IKBKB: variants seen among roughly 807,000 people sequenced by gnomAD.
The protein encoded by IKBKB is inhibitor of nuclear factor kappa-B kinase subunit beta.
A neutral mutation model predicts 113.6 loss-of-function variants in IKBKB; 42 were observed. That is an observed-to-expected ratio of 0.37 (90% CI 0.29 to 0.48). The LOEUF is 0.48. Among genes scored for constraint, IKBKB ranks in the 20% least tolerant of loss-of-function variants. The pLI is 0.99. For synonymous variants in IKBKB, 296 were observed against 361.3 expected, an observed-to-expected ratio of 0.82 and a Z score of 2.05; for missense variants, 673 against 939.7, an observed-to-expected ratio of 0.72 and a Z score of 3.71.
intron 12 of IKBKB, 38 bp downstream of exon 12, chr8:42,317,809 G>A (rs200041043): frequency 1.8e-5 from 26 of 1,411,556 alleles, no homozygotes; most frequent in African/African-American, 2.8e-5. Context: ...TAAATAATCC[G>A]TTATAATATG....
At chr8:42,309,849 A>T (rs1319883623) in intron 8 of IKBKB, 1 of 152,204 alleles carries the variant, frequency 6.6e-6, no homozygotes, top group Non-Finnish European at 1.5e-5. Context: ...AAATTAAAGG[A>T]TATGATGAAG....
At chr8:42,318,713 T>G (rs1819187172) in intron 13 of IKBKB, 38 bp downstream of exon 13, 1 of 1,556,716 alleles carries the variant, frequency 6.4e-7, no homozygotes, top group Admixed American at 2.0e-5. Context: ...TTAATTTATT[T>G]AAAATTCCTT....
chr8:42,280,857 G>A (rs1037459044), intron 2 of IKBKB, among the ~76,000 whole-genome samples: 4 of 152,172 alleles, frequency 2.6e-5, no homozygotes, highest in African/African-American at 7.2e-5. Flanking sequence ...ATGGGACAAG[G>A]CAAAGCTTTC....
Position 42,332,330 on chromosome 8 carries a change from G to GT in IKBKB, c.*1352dup, listed in dbSNP as rs1821756998. 1 of 152,246 alleles carries GT rather than the reference G, an allele frequency of 6.6e-6. No individual in the cohort carries two copies. 9.4% of individuals were successfully genotyped at this position (152,246 alleles called of 1,614,324 possible). A position where few individuals can be genotyped will look rare whatever the true frequency, so the allele number is the denominator to read the frequency against. On this transcript the variant is annotated 3_prime_UTR_variant, in exon 22 of 22. Transcript: ENST00000520810. Reference sequence around the variant, plus strand: ...AATAAAGAAACAGGCTTAACTTTGTGTAAGAACACTGTTTATCAATGTCAT... The same window carrying GT: ...AATAAAGAAACAGGCTTAACTTTGTGTTAAGAACACTGTTTATCAATGTCAT...
At position 42,290,979 on chromosome 8, in the gene IKBKB, C is replaced by T. The variant is rs140226939; in HGVS notation, c.318+706C>T. Among the ~76,000 whole-genome samples the T allele has an allele frequency of 2.0e-5, 3 of 152,306 alleles. No individual in the cohort carries two copies. The East Asian group carries it at 5.8e-4, about 29-fold the overall frequency. ...GCCTGCTAGTACATGTTACCTCATT[C>T]GATTTCCAAAAGCTCACACATGGGT... On this transcript the variant is annotated intron_variant, in intron 4 of 21. Transcript: ENST00000520810.
intron 7 of IKBKB, among the ~76,000 whole-genome samples, chr8:42,308,283 C>T (rs7386537): frequency 2.8e-5 from 4 of 140,470 alleles, no homozygotes; most frequent in African/African-American, 5.4e-5. Flanking sequence ...TTTTTTTTTC[C>T]TTTTTTTTCT....
intron 2 of IKBKB, among the ~76,000 whole-genome samples, chr8:42,284,569 G>A (rs1471532253): frequency 1.0e-4 from 15 of 148,714 alleles, no homozygotes; most frequent in Non-Finnish European, 2.1e-4. Context: ...GCAACAAAGC[G>A]AGACTCCGTC....
chr8:42,280,684 C>T (rs1220018093), intron 2 of IKBKB, among the ~76,000 whole-genome samples: 2 of 152,156 alleles, frequency 1.3e-5, no homozygotes, highest in African/African-American at 4.8e-5. Context: ...GTGATATCAT[C>T]ATGTTCTGTG....
intron 16 of IKBKB, 195 bp downstream of exon 16, chr8:42,321,039 T>TA (rs1234220258): frequency 2.1e-6 from 1 of 481,166 alleles, no homozygotes; most frequent in African/African-American, 2.0e-5. Flanking sequence ...AAAACAGTCT[T>TA]AAGTCACGAA....
At chr8:42,304,040 C>T (rs1396406184) in intron 5 of IKBKB, among the ~76,000 whole-genome samples, 1 of 152,068 alleles carries the variant, frequency 6.6e-6, no homozygotes, top group Non-Finnish European at 1.5e-5. Context: ...TACATGTATC[C>T]CATGGTGTTT....
intron 2 of IKBKB, among the ~76,000 whole-genome samples, chr8:42,275,478 C>T (rs904609666): frequency 2.6e-5 from 4 of 152,190 alleles, no homozygotes; most frequent in Admixed American, 1.3e-4. Flanking sequence ...AGCCAACAGA[C>T]TTTACCCAAC....
chr8:42,294,412 C>T (rs1468093167), intron 5 of IKBKB, among the ~76,000 whole-genome samples: 2 of 152,164 alleles, frequency 1.3e-5, no homozygotes, highest in African/African-American at 2.4e-5. Flanking sequence ...CCGTTCCCCT[C>T]GGTTCACCAG....
At position 42,327,291 on chromosome 8, in the gene IKBKB, G is replaced by A. The variant is rs377328549; in HGVS notation, c.2114+1194G>A. Among the ~76,000 whole-genome samples, 118 of 149,166 alleles carry A rather than the reference G, an allele frequency of 7.9e-4. 2 individuals are homozygous for A. The South Asian group carries it at 0.023, about 29-fold the overall frequency. On this transcript the variant is annotated intron_variant, in intron 20 of 21. Transcript: ENST00000520810. The stretch of plus-strand genomic sequence containing the variant: ...GGAGGTTCGCAGGAGTTCGAGGCAA[G>A]TCTCCTGGGCAACATGGTGAGACTG...
chr8:42,294,524 C>G (rs967101089), intron 5 of IKBKB, among the ~76,000 whole-genome samples: 1 of 152,260 alleles, frequency 6.6e-6, no homozygotes, highest in African/African-American at 2.4e-5. Context: ...CTGGTCTCTT[C>G]CTGACTGCTG....
chr8:42,294,413 G>A (rs1335838891), intron 5 of IKBKB, among the ~76,000 whole-genome samples: 1 of 152,056 alleles, frequency 6.6e-6, no homozygotes, highest in Admixed American at 6.6e-5. Context: ...CGTTCCCCTC[G>A]GTTCACCAGA....
At chr8:42,315,951 C>CTG (rs1818603637) in intron 9 of IKBKB, among the ~76,000 whole-genome samples, 1 of 152,320 alleles carries the variant, frequency 6.6e-6, no homozygotes, top group South Asian at 2.1e-4. Context: ...GCATGAGCCA[C>CTG]TGTGCCCGGC....
rs1816259203 is a variant in IKBKB at position 42,305,177 on chromosome 8, T to C, written c.389-10T>C. ...TAGGCCTAAGAAAAACTCACCCCCC[T>C]CTTCCTCAGCCTCTGCGCTTAGATA... On this transcript the variant is annotated splice_polypyrimidine_tract_variant and intron_variant, in intron 5 of 21. Coordinates refer to ENST00000520810, the MANE Select transcript of IKBKB (RefSeq NM_001556.3). 1 of 1,608,014 alleles carries C rather than the reference T, an allele frequency of 6.2e-7. No individual in the cohort carries two copies. The highest frequency in any genetic ancestry group is 1.3e-5 in the African/African-American group (1 of 74,948).
intron 2 of IKBKB, among the ~76,000 whole-genome samples, chr8:42,283,947 G>T (rs1378480391): frequency 6.6e-6 from 1 of 152,110 alleles, no homozygotes; most frequent in African/African-American, 2.4e-5. Context: ...GTGGATAGAT[G>T]CTCTTGGCAA....
chr8:42,309,980 T>C (rs1000608151), intron 8 of IKBKB, among the ~76,000 whole-genome samples: 1 of 152,254 alleles, frequency 6.6e-6, no homozygotes, highest in Non-Finnish European at 1.5e-5. Context: ...TGTGAGGTAA[T>C]GTATATGGTA....
Sources: gnomAD v4.1 joint callset for allele counts (sites outside exome capture counted in the v4.1 genomes callset) on GRCh38, gnomAD v4.1.1 for gene constraint, MANE v1.5 for transcripts, NCBI Gene and HGNC (gene_info 2026-07-23, HGNC 2026-07-21) for gene names.